The following UQCC4 variants were observed in gnomAD, a reference collection of about 807,000 sequenced individuals.
UQCC4 encodes ubiquinol-cytochrome c reductase complex assembly factor 4.
chr16:1,420,528 G>C, the UQCC4 span: 2 of 1,614,090 alleles, frequency 1.2e-6, no homozygotes, highest in Non-Finnish European at 1.7e-6. Flanking sequence ...CTTCCTCGGC[G>C]GCAGGGTGGG....
the UQCC4 span, chr16:1,420,695 G>A: frequency 6.5e-7 from 1 of 1,544,812 alleles, no homozygotes; most frequent in Non-Finnish European, 8.7e-7. Flanking sequence ...AGCTCACCCG[G>A]CCGCCGGGGC....
At chr16:1,420,186 G>A in the UQCC4 span, 1 of 1,614,164 alleles carries the variant, frequency 6.2e-7, no homozygotes, top group Admixed American at 1.7e-5. Flanking sequence ...GGGCAAACGT[G>A]ACATCAAATC....
chr16:1,420,201 G>T, the UQCC4 span: 7 of 1,613,870 alleles, frequency 4.3e-6, no homozygotes, highest in East Asian at 2.2e-5. Context: ...CAAATCCGAA[G>T]GGCGGCTGTC....
At chr16:1,420,321 C>A in the UQCC4 span, 2 of 1,614,208 alleles carry the variant, frequency 1.2e-6, no homozygotes, top group South Asian at 1.1e-5. Flanking sequence ...CCTCTCCCCA[C>A]ACCTGTCTCA....
chr16:1,420,152 C>A, the UQCC4 span: 1 of 1,613,872 alleles, frequency 6.2e-7, no homozygotes, highest in Non-Finnish European at 8.5e-7. Flanking sequence ...GTGCTGAGGA[C>A]GCACGCATAG....
the UQCC4 span, chr16:1,419,827 G>A: frequency 3.4e-6 from 4 of 1,170,832 alleles, no homozygotes; most frequent in Non-Finnish European, 4.5e-6. Context: ...TCCTTGCACA[G>A]GCCGCAGCAT....
chr16:1,420,686 G>C, the UQCC4 span: 1 of 1,546,598 alleles, frequency 6.5e-7, no homozygotes, highest in African/African-American at 1.4e-5. Flanking sequence ...ACCTTGAGGA[G>C]CTCACCCGGC....
chr16:1,420,242 C>A, the UQCC4 span: 3 of 1,613,254 alleles, frequency 1.9e-6, no homozygotes, highest in Non-Finnish European at 8.5e-7. Context: ...CAGCGGGCAC[C>A]CCGTCAAGTT....
the UQCC4 span, chr16:1,420,178 G>A: frequency 6.2e-7 from 1 of 1,614,130 alleles, no homozygotes; most frequent in Admixed American, 1.7e-5. Context: ...ACAGTCACGG[G>A]CAAACGTGAC....
the UQCC4 span, chr16:1,419,837 T>C: frequency 1.6e-6 from 2 of 1,242,638 alleles, no homozygotes; most frequent in Non-Finnish European, 2.1e-6. Flanking sequence ...GGCCGCAGCA[T>C]GCAATACAGT....
chr16:1,420,353 C>T, the UQCC4 span: 1 of 1,614,258 alleles, frequency 6.2e-7, no homozygotes, highest in South Asian at 1.1e-5. Context: ...GCCTCGCTCT[C>T]CTCCCTCAGG....
chr16:1,419,818 C>A, the UQCC4 span: 2 of 1,074,184 alleles, frequency 1.9e-6, no homozygotes, highest in Non-Finnish European at 2.5e-6. Context: ...TGGAAGTGTT[C>A]CTTGCACAGG....
chr16:1,420,153 G>A, the UQCC4 span: 4 of 1,613,744 alleles, frequency 2.5e-6, no homozygotes, highest in African/African-American at 2.7e-5. Flanking sequence ...TGCTGAGGAC[G>A]CACGCATAGC....
chr16:1,419,762 TA>T, the UQCC4 span: 1 of 552,006 alleles, frequency 1.8e-6, no homozygotes, highest in Non-Finnish European at 2.7e-6. Context: ...TCCCATATTA[TA>T]AAATTAAAAT....
At chr16:1,420,438 T>C in the UQCC4 span, 7 of 1,614,122 alleles carry the variant, frequency 4.3e-6, no homozygotes, top group African/African-American at 1.3e-5. Context: ...GATGTCCCTT[T>C]CCCATGGTAT....
At chr16:1,420,098 G>GA in the UQCC4 span, 2 of 1,613,234 alleles carry the variant, frequency 1.2e-6, no homozygotes, top group Admixed American at 1.7e-5. Flanking sequence ...GCCTTCACGC[G>GA]AATCAGCATA....
chr16:1,420,030 T>C, the UQCC4 span: 10 of 1,609,898 alleles, frequency 6.2e-6, no homozygotes, highest in Non-Finnish European at 8.5e-6. Context: ...GCCGATGGAA[T>C]CCTTGGACAT....
At chr16:1,419,867 T>C in the UQCC4 span, 15 of 1,343,822 alleles carry the variant, frequency 1.1e-5, no homozygotes, top group South Asian at 7.6e-5. Flanking sequence ...CTGCCAGATA[T>C]TCTATCTCAG....
the UQCC4 span, chr16:1,420,563 G>A: frequency 5.0e-6 from 8 of 1,611,698 alleles, no homozygotes; most frequent in Non-Finnish European, 6.8e-6. Flanking sequence ...CCGGGCAACG[G>A]ATGAAGGCTT....
Sources: allele counts gnomAD v4.1 joint callset, GRCh38; gene constraint gnomAD v4.1.1; transcripts MANE v1.5; gene names NCBI Gene and HGNC (gene_info 2026-07-23, HGNC 2026-07-21).